The following FGD3 variants were observed in gnomAD, a reference collection of about 807,000 sequenced individuals.
FGD3 encodes FYVE, RhoGEF and PH domain containing 3, also known as FYVE, RhoGEF and PH domain-containing protein 3.
In FGD3, 45 loss-of-function variants were observed where a neutral mutation model predicts 71.8. That is an observed-to-expected ratio of 0.63 (90% CI 0.49 to 0.80). The LOEUF (loss-of-function observed/expected upper bound fraction) is 0.80. Ranked by LOEUF, FGD3 falls within the 30% of genes least tolerant of loss-of-function variation. FGD3 has a pLI of 0.00. For synonymous variants in FGD3, 378 were observed against 392.8 expected, an observed-to-expected ratio of 0.96 and a Z score of 0.44; for missense variants, 844 against 951.5, an observed-to-expected ratio of 0.89 and a Z score of 1.49.
chr9:92,953,952 A>G (rs776025589), intron 1 of FGD3, among the ~76,000 whole-genome samples: 2 of 152,222 alleles, frequency 1.3e-5, no homozygotes, highest in Non-Finnish European at 2.9e-5. Flanking sequence ...TTCACTGGGC[A>G]ATAGTTCCCG....
intron 1 of FGD3, among the ~76,000 whole-genome samples, chr9:92,965,852 T>C (rs1859304850): frequency 6.6e-6 from 1 of 152,112 alleles, no homozygotes; most frequent in South Asian, 2.1e-4. Context: ...AGGAGCCTGG[T>C]TTACAGATAA....
chr9:93,011,097 G>A, intron 7 of FGD3, 117 bp from the exon 8 acceptor site: 1 of 1,080,292 alleles, frequency 9.3e-7, no homozygotes, highest in Non-Finnish European at 1.4e-6. Flanking sequence ...AGGCACCCTG[G>A]GAAAGGCTGA....
chr9:93,016,676 T>C (rs12684564), intron 10 of FGD3, among the ~76,000 whole-genome samples: 6,951 of 146,156 alleles, frequency 0.048, 232 homozygotes, highest in South Asian at 0.14. Context: ...TAACCTGGAG[T>C]GCAATGGTGT....
intron 9 of FGD3, among the ~76,000 whole-genome samples, chr9:93,015,321 T>C (rs990703142): frequency 6.6e-6 from 1 of 152,060 alleles, no homozygotes; most frequent in Admixed American, 6.6e-5. Flanking sequence ...CTGGGCGTGG[T>C]AGCACCCGCC....
rs1471462537 is a variant in FGD3, at chr9:93,032,682, CTCCCGCCCACTCT to C, written c.1681-86_1681-74del. The C allele has an allele frequency of 7.3e-6, 9 of 1,240,604 alleles. No homozygotes were observed. In the East Asian group the frequency reaches 2.1e-4, roughly 29 times the overall value. The allele number at this position is 1,240,604 out of a possible 1,614,324, so 76.8% of individuals were successfully genotyped here. A position where few individuals can be genotyped will look rare whatever the true frequency, so the allele number is the denominator to read the frequency against. The stretch of plus-strand genomic sequence containing the variant: ...TTAAGTCTCCTCCCGCCCACTCCAC[CTCCCGCCCACTCT>C]ACCTCCTCTGGCATCTTCCTGGATA... On this transcript the variant is annotated intron_variant, in intron 15 of 17. Coordinates refer to ENST00000375482, the MANE Select transcript of FGD3 (RefSeq NM_001083536.2).
chr9:93,033,178 A>C (rs1244069637), intron 16 of FGD3: 1 of 441,854 alleles, frequency 2.3e-6, no homozygotes, highest in African/African-American at 2.0e-5. Flanking sequence ...GCTGCCCTCA[A>C]GTCCAGGCCT....
Position 93,035,523 on chromosome 9 carries a change from G to T in FGD3, c.2112G>T (p.Gly704=). ...WLETLSTAAH[G]DTAQDSPGAL... ...AAACCCTAAGCACTGCTGCCCATGG[G>T]GACACGGCCCAGGACAGCCCGGGGG... Residue 704 remains glycine (G), a synonymous_variant, in exon 18 of 18, where the codon GGG becomes GGT. Transcript: ENST00000375482. The T allele has an allele frequency of 6.2e-7, 1 of 1,612,376 alleles. No individual in the cohort carries two copies.
At chr9:92,980,441 G>A (rs1389320526) in intron 3 of FGD3, among the ~76,000 whole-genome samples, 1 of 152,070 alleles carries the variant, frequency 6.6e-6, no homozygotes, top group Non-Finnish European at 1.5e-5. Context: ...GATACCTAAT[G>A]TATATAGATA....
chr9:93,018,748 G>A (rs899831105), intron 11 of FGD3, among the ~76,000 whole-genome samples: 17 of 152,152 alleles, frequency 1.1e-4, no homozygotes, highest in African/African-American at 4.1e-4. Context: ...TATGGGACTC[G>A]GGGCGGTTTT....
At chr9:92,976,965 C>G (rs557054326) in intron 3 of FGD3, among the ~76,000 whole-genome samples, 1 of 152,228 alleles carries the variant, frequency 6.6e-6, no homozygotes, top group Admixed American at 6.5e-5. Flanking sequence ...CACAACTGCA[C>G]AGTGGGCACC....
intron 3 of FGD3, among the ~76,000 whole-genome samples, chr9:93,000,973 T>A (rs953073922): frequency 9.9e-5 from 15 of 152,090 alleles, no homozygotes; most frequent in African/African-American, 3.6e-4. Context: ...TCCTTGCTCT[T>A]CTTTCTTTTT....
chr9:92,976,559 C>T lies in FGD3; in HGVS notation c.303C>T (p.Ser101=). 1.2e-6 allele frequency: 2 copies of T among 1,612,462 alleles called. No individual in the cohort carries two copies. Among genetic ancestry groups the T allele is most frequent in the Non-Finnish European group, 1.7e-6 (2 of 1,179,794 alleles). Residue 101 remains serine (S), a synonymous_variant, in exon 3 of 18, where the codon AGC becomes AGT. Coordinates refer to ENST00000375482, the MANE Select transcript of FGD3 (RefSeq NM_001083536.2). ...PCEEGLEAGP[S]PTVLGAHAEM... ...AGGAGGGCTTGGAGGCTGGCCCAAG[C>T]CCCACTGTACTGGGGGCGCACGCAG...
In FGD3 at chr9:93,032,671, G is replaced by A. The variant is rs1343403724; in HGVS notation, c.1681-98G>A. The A allele has an allele frequency of 1.9e-4, 106 of 545,322 alleles. No individual in the cohort carries two copies. The East Asian group carries it at 2.4e-3, about 12-fold the overall frequency. 33.8% of individuals were successfully genotyped at this position (545,322 alleles called of 1,614,324 possible). A position where few individuals can be genotyped will look rare whatever the true frequency, so the allele number is the denominator to read the frequency against. On this transcript the variant is annotated intron_variant, in intron 15 of 17. Transcript: ENST00000375482. ...GCCACACTGTGTTAAGTCTCCTCCC[G>A]CCCACTCCACCTCCCGCCCACTCTA...
In FGD3 at chr9:93,035,472, C is replaced by A; in HGVS notation, c.2061C>A (p.Ser687=). ...AKQSWYLSAS[S]AELQQQWLET... ...AGTCCTGGTACCTGAGCGCCTCCTC[C>A]GCAGAGCTGCAGCAGCAGTGGCTGG... The change falls in exon 18 of 18, where the codon TCC becomes TCA. Residue 687 remains serine (S), a synonymous_variant. Coordinates refer to ENST00000375482, the MANE Select transcript of FGD3 (RefSeq NM_001083536.2). 1 of 1,613,554 alleles carries A rather than the reference C, an allele frequency of 6.2e-7. No homozygotes were observed. Among genetic ancestry groups the A allele is most frequent in the Non-Finnish European group, 8.5e-7 (1 of 1,179,948 alleles).
chr9:93,017,640 A>G (rs1209881116), intron 10 of FGD3, among the ~76,000 whole-genome samples: 1 of 152,104 alleles, frequency 6.6e-6, no homozygotes, highest in African/African-American at 2.4e-5. Flanking sequence ...CTGGGCACAC[A>G]TTGTCCTATT....
chr9:92,954,888 C>T (rs1859021275), intron 1 of FGD3, among the ~76,000 whole-genome samples: 1 of 152,166 alleles, frequency 6.6e-6, no homozygotes, highest in African/African-American at 2.4e-5. Flanking sequence ...TGAACCACAG[C>T]TTTGTCTTCT....
intron 1 of FGD3, among the ~76,000 whole-genome samples, chr9:92,947,983 C>T (rs1858887066): frequency 6.6e-6 from 1 of 152,108 alleles, no homozygotes; most frequent in South Asian, 2.1e-4. Context: ...CTTGGCAGTC[C>T]TCGCGGTGGG....
intron 13 of FGD3, among the ~76,000 whole-genome samples, chr9:93,020,930 C>T (rs1458157498): frequency 6.6e-6 from 1 of 152,204 alleles, no homozygotes; most frequent in Non-Finnish European, 1.5e-5. Flanking sequence ...GGCGGGAAAG[C>T]AGGATGTGGG....
At chr9:92,976,829 G>C in intron 3 of FGD3, 120 bp downstream of exon 3, 8 of 1,158,902 alleles carry the variant, frequency 6.9e-6, no homozygotes, top group Non-Finnish European at 9.6e-6. Context: ...ACAGGCTCGT[G>C]CTGTGTGCAA....
Sources: gnomAD v4.1 joint callset for allele counts (sites outside exome capture counted in the v4.1 genomes callset) on GRCh38, gnomAD v4.1.1 for gene constraint, MANE v1.5 for transcripts, NCBI Gene and HGNC (gene_info 2026-07-23, HGNC 2026-07-21) for gene names.